The following UBR3 variants were observed in gnomAD, a reference collection of about 807,000 sequenced individuals.
The protein encoded by UBR3 is ubiquitin protein ligase E3 component n-recognin 3.
In UBR3, 85 loss-of-function variants were observed where a neutral mutation model predicts 243.2. The ratio of observed to expected loss-of-function variants is 0.35; its 90% CI spans 0.29 to 0.42. The LOEUF (loss-of-function observed/expected upper bound fraction) is 0.42, where lower values mean the gene tolerates loss of function less well. UBR3 is among the 10% of genes least tolerant of loss of function. The pLI is 1.00. For missense variants in UBR3, 1,686 were observed against 2,300.8 expected (o/e 0.73, Z 5.47); for synonymous variants, 748 against 799.8 (o/e 0.94, Z 1.09).
chr2:169,852,883 A>AAAAAAAC (rs1491293579), intron 1 of UBR3, among the ~76,000 whole-genome samples: 2 of 59,732 alleles, frequency 3.3e-5, no homozygotes, highest in Non-Finnish European at 5.7e-5. Flanking sequence ...AAAAAACAAA[A>AAAAAAAC]CCAAACAAAT....
intron 24 of UBR3, among the ~76,000 whole-genome samples, chr2:169,975,922 G>T (rs1437936503): frequency 6.6e-6 from 1 of 151,144 alleles, no homozygotes; most frequent in Non-Finnish European, 1.5e-5. Flanking sequence ...TTTTTGAACT[G>T]ATCTCTTTAT....
chr2:170,073,287 TACTC>T, intron 35 of UBR3, 137 bp from the exon 36 acceptor site: 2 of 844,734 alleles, frequency 2.4e-6, no homozygotes, highest in Admixed American at 2.7e-5. Flanking sequence ...TTGTTTCTCT[TACTC>T]CCTTCACTTT....
chr2:170,060,961 C>A, intron 33 of UBR3, 118 bp from the exon 34 acceptor site: 1 of 667,514 alleles, frequency 1.5e-6, no homozygotes, highest in Non-Finnish European at 2.3e-6. Flanking sequence ...AGAATTGAAG[C>A]TCATATGCTT....
rs530320262 is a variant in UBR3 at position 170,027,298 on chromosome 2, A to G, written c.4454-2048A>G. ...ATATAATAGACCAGAAAGATGATATAATATCATTTAAATATCATTTAAAGA... is the reference window on the plus strand; with the variant it reads ...ATATAATAGACCAGAAAGATGATATGATATCATTTAAATATCATTTAAAGA... On this transcript the variant is annotated intron_variant, in intron 30 of 38. Transcript: ENST00000272793. Among the ~76,000 whole-genome samples, 291 of 151,432 alleles carry G rather than the reference A, an allele frequency of 1.9e-3. 2 individuals carry two copies. Among genetic ancestry groups the G allele is most frequent in the African/African-American group, 6.8e-3 (280 of 41,446 alleles).
intron 35 of UBR3, among the ~76,000 whole-genome samples, chr2:170,067,330 G>A (rs185685858): frequency 2.9e-4 from 44 of 152,212 alleles, no homozygotes; most frequent in Middle Eastern, 6.8e-3. Flanking sequence ...TATAATAATT[G>A]TAAACATATA....
chr2:169,951,054 G>A (rs73017607), intron 23 of UBR3, among the ~76,000 whole-genome samples: 1 of 152,218 alleles, frequency 6.6e-6, no homozygotes, highest in African/African-American at 2.4e-5. Flanking sequence ...AGACAAATTT[G>A]TCTACCAAAG....
intron 10 of UBR3, among the ~76,000 whole-genome samples, chr2:169,908,694 A>G (rs764223241): frequency 5.3e-5 from 8 of 152,162 alleles, no homozygotes; most frequent in Non-Finnish European, 8.8e-5. Context: ...AGATTTGAGT[A>G]TCAGAGAATG....
intron 35 of UBR3, among the ~76,000 whole-genome samples, chr2:170,063,298 G>A (rs1340140705): frequency 1.3e-5 from 2 of 152,108 alleles, no homozygotes; most frequent in African/African-American, 4.8e-5. Flanking sequence ...AGGAAATACA[G>A]GGCAGATGCA....
intron 1 of UBR3, among the ~76,000 whole-genome samples, chr2:169,832,020 C>T (rs2081956154): frequency 6.6e-6 from 1 of 151,990 alleles, no homozygotes; most frequent in African/African-American, 2.4e-5. Flanking sequence ...CTGACTGTTG[C>T]CTGTAGGATG....
intron 1 of UBR3, among the ~76,000 whole-genome samples, chr2:169,851,657 A>G (rs183795070): frequency 3.9e-5 from 6 of 152,120 alleles, no homozygotes; most frequent in Admixed American, 3.3e-4. Flanking sequence ...CAAGGTCAAG[A>G]GATCAAGACC....
intron 1 of UBR3, 122 bp from the exon 2 acceptor site, chr2:169,872,114 C>T (rs2083457234): frequency 1.4e-6 from 1 of 705,838 alleles, no homozygotes; most frequent in East Asian, 3.2e-5. Context: ...TAACCTGGTA[C>T]CTTAAAAATC....
chr2:169,870,987 T>C (rs993615782), intron 1 of UBR3, among the ~76,000 whole-genome samples: 6 of 152,054 alleles, frequency 3.9e-5, no homozygotes, highest in Non-Finnish European at 8.8e-5. Context: ...AAAAGATCAA[T>C]TTTTCTGTTT....
At chr2:169,942,443 G>T in intron 19 of UBR3, 50 bp from the exon 20 acceptor site, 1 of 1,494,690 alleles carries the variant, frequency 6.7e-7, no homozygotes, top group Non-Finnish European at 8.9e-7. Flanking sequence ...TTAAACCACA[G>T]TTTGATTTTG....
At chr2:169,934,585 A>C (rs914133094) in intron 19 of UBR3, among the ~76,000 whole-genome samples, 1 of 152,200 alleles carries the variant, frequency 6.6e-6, no homozygotes, top group African/African-American at 2.4e-5. Context: ...TTTAAGGGAC[A>C]AAAAGTGGCT....
At chr2:169,897,872 A>G (rs1213169207) in intron 8 of UBR3, among the ~76,000 whole-genome samples, 5 of 152,164 alleles carry the variant, frequency 3.3e-5, no homozygotes, top group East Asian at 3.8e-4. Flanking sequence ...TATTGTTTCA[A>G]TTAAGCTTCT....
chr2:170,073,409 C>T lies in UBR3; in HGVS notation c.5020-19C>T, dbSNP rs199818182. On this transcript the variant is annotated intron_variant, in intron 35 of 38. Transcript: ENST00000272793. ...TCTTGATGAAATATTTTCAGAATTT[C>T]CTATTTCATGTCTAAAAGGAAGAAG... The T allele has an allele frequency of 5.6e-6, 9 of 1,612,282 alleles. No homozygotes were observed. The highest frequency in any genetic ancestry group is 1.7e-5 in the Admixed American group (1 of 59,792).
chr2:169,887,898 TC>T (rs1239864737), intron 5 of UBR3, among the ~76,000 whole-genome samples: 1 of 151,270 alleles, frequency 6.6e-6, no homozygotes, highest in East Asian at 1.9e-4. Context: ...TGCCTTAGCC[TC>T]CCGAGTAGCT....
chr2:170,049,191 A>C (rs2091159434), intron 32 of UBR3, among the ~76,000 whole-genome samples: 2 of 152,256 alleles, frequency 1.3e-5, no homozygotes, highest in African/African-American at 4.8e-5. Flanking sequence ...ACTGTCAATT[A>C]ACACATAATT....
intron 31 of UBR3, among the ~76,000 whole-genome samples, chr2:170,033,100 C>T (rs1023058727): frequency 2.0e-5 from 3 of 151,986 alleles, no homozygotes; most frequent in Non-Finnish European, 4.4e-5. Context: ...GAACACACAG[C>T]TCTTTAAGTC....
Sources: allele counts gnomAD v4.1 joint callset (sites outside exome capture counted in the v4.1 genomes callset), GRCh38; gene constraint gnomAD v4.1.1; transcripts MANE v1.5; gene names NCBI Gene and HGNC (gene_info 2026-07-23, HGNC 2026-07-21).